The following CFAP54 variants were observed in gnomAD, a reference collection of about 807,000 sequenced individuals.
CFAP54 encodes the protein cilia and flagella associated protein 54.
Under a neutral mutation model 370.4 loss-of-function variants are expected in CFAP54, and 290 were observed. That is an observed-to-expected ratio of 0.78 (90% CI 0.71 to 0.86). The LOEUF is 0.86. Ranked by LOEUF, CFAP54 falls within the 40% of genes least tolerant of loss-of-function variation. The pLI, the probability that CFAP54 is intolerant of heterozygous loss-of-function variation, is 0.00. For missense variants in CFAP54, 3,399 were observed against 3,528.7 expected (o/e 0.96, Z 0.93); for synonymous variants, 1,206 against 1,236.5 (o/e 0.98, Z 0.52).
At position 96,608,306 on chromosome 12, in the gene CFAP54, TATAC is replaced by T. The variant is rs59329651; in HGVS notation, c.3639+9541_3639+9544del. The stretch of plus-strand genomic sequence containing the variant: ...TGTGCATTTTATATATGCATATATA[TATAC>T]ACACACACACACACACACACACACA... On this transcript the variant is annotated intron_variant, in intron 26 of 67. Transcript: ENST00000524981. Among the ~76,000 whole-genome samples, 101 of 45,030 alleles carry T rather than the reference TATAC, an allele frequency of 2.2e-3. 2 individuals are homozygous for T. Among genetic ancestry groups the T allele is most frequent in the East Asian group, 0.02 (46 of 2,290 alleles). 29.5% of individuals were successfully genotyped at this position (45,030 alleles called of 152,430 possible).
intron 5 of CFAP54, among the ~76,000 whole-genome samples, chr12:96,517,354 G>T (rs2136364118): frequency 6.6e-6 from 1 of 152,156 alleles, no homozygotes; most frequent in Non-Finnish European, 1.5e-5. Flanking sequence ...AAAAAACTTT[G>T]ATTTTCCATA....
At chr12:96,520,922 C>A (rs2136368441) in intron 6 of CFAP54, among the ~76,000 whole-genome samples, 1 of 152,288 alleles carries the variant, frequency 6.6e-6, no homozygotes, top group African/African-American at 2.4e-5. Context: ...GGCACATAGG[C>A]AGAACAGCCT....
chr12:96,789,236 A>G (rs1801032308), intron 62 of CFAP54, among the ~76,000 whole-genome samples: 1 of 152,230 alleles, frequency 6.6e-6, no homozygotes, highest in South Asian at 2.1e-4. Flanking sequence ...AGAAATAGGC[A>G]TGCCCAAAGT....
chr12:96,504,128 G>A (rs1188066175), intron 3 of CFAP54, 99 bp downstream of exon 3: 8 of 1,128,774 alleles, frequency 7.1e-6, no homozygotes, highest in Admixed American at 3.5e-5. Context: ...GCTTAGCATA[G>A]CATCTAGCTG....
chr12:96,830,455 T>C (rs1432181641), intron 66 of CFAP54, among the ~76,000 whole-genome samples: 1 of 152,174 alleles, frequency 6.6e-6, no homozygotes, highest in Non-Finnish European at 1.5e-5. Context: ...ATTTCCTTAA[T>C]GACTAATGAT....
At chr12:96,815,115 T>C (rs189407291) in intron 64 of CFAP54, among the ~76,000 whole-genome samples, 28 of 152,308 alleles carry the variant, frequency 1.8e-4, no homozygotes, top group African/African-American at 6.0e-4. Context: ...TTCTACATCC[T>C]TGAGGAATTG....
chr12:96,491,600 C>T (rs1270558813), intron 1 of CFAP54, among the ~76,000 whole-genome samples: 10 of 151,978 alleles, frequency 6.6e-5, no homozygotes, highest in Non-Finnish European at 1.5e-4. Context: ...GAGGAGGGGC[C>T]AGTGGAAAAC....
At chr12:96,581,595 G>GT (rs1280195447) in intron 22 of CFAP54, among the ~76,000 whole-genome samples, 4 of 151,952 alleles carry the variant, frequency 2.6e-5, no homozygotes, top group Admixed American at 2.6e-4. Context: ...AATGTCAGTG[G>GT]TGTCAAGATT....
intron 50 of CFAP54, among the ~76,000 whole-genome samples, chr12:96,721,602 G>A (rs532688656): frequency 6.6e-6 from 1 of 152,204 alleles, no homozygotes; most frequent in African/African-American, 2.4e-5. Context: ...CTATCATGAG[G>A]TCCTCTGACA....
intron 32 of CFAP54, among the ~76,000 whole-genome samples, chr12:96,635,359 A>C (rs1352096407): frequency 2.0e-5 from 3 of 152,022 alleles, no homozygotes; most frequent in Admixed American, 2.0e-4. Context: ...TTCTTCTTTA[A>C]TATGATCGTG....
chr12:96,755,505 G>T (rs919352106), intron 56 of CFAP54, among the ~76,000 whole-genome samples: 1 of 151,872 alleles, frequency 6.6e-6, no homozygotes, highest in African/African-American at 2.4e-5. Context: ...AGATTCTTCA[G>T]TTAAGTGAGA....
intron 65 of CFAP54, among the ~76,000 whole-genome samples, chr12:96,822,757 C>T (rs1179683689): frequency 6.6e-6 from 1 of 152,192 alleles, no homozygotes; most frequent in Non-Finnish European, 1.5e-5. Context: ...TTAGAATACA[C>T]AGAAAAGTTT....
intron 3 of CFAP54, among the ~76,000 whole-genome samples, chr12:96,504,991 T>C (rs979320193): frequency 1.4e-5 from 2 of 144,856 alleles, no homozygotes; most frequent in Non-Finnish European, 3.0e-5. Flanking sequence ...CTTTCTTCTT[T>C]CTTTTTCTTT....
intron 63 of CFAP54, among the ~76,000 whole-genome samples, chr12:96,808,435 C>T (rs1958902515): frequency 6.6e-6 from 1 of 152,094 alleles, no homozygotes; most frequent in Admixed American, 6.6e-5. Flanking sequence ...TTTCAGAGTA[C>T]TCACGAGACT....
In CFAP54 at chr12:96,792,323, C is replaced by T. The variant is rs915519023; in HGVS notation, c.8680-6C>T. On this transcript the variant is annotated splice_polypyrimidine_tract_variant and splice_region_variant and intron_variant, in intron 62 of 67. Transcript: ENST00000524981. ...AATTAAACTGATGTTTTTGTTTGTT[C>T]CCTAGTTGTATCGCGATAGTTCTGT... The T allele has an allele frequency of 1.1e-5, 16 of 1,493,806 alleles. No homozygotes were observed. The highest frequency in any genetic ancestry group is 1.4e-5 in the Non-Finnish European group (16 of 1,126,442). 92.5% of individuals were successfully genotyped at this position (1,493,806 alleles called of 1,614,324 possible). A position where few individuals can be genotyped will look rare whatever the true frequency, so the allele number is the denominator to read the frequency against.
At chr12:96,551,123 T>A in intron 15 of CFAP54, among the ~76,000 whole-genome samples, 1 of 151,952 alleles carries the variant, frequency 6.6e-6, no homozygotes, top group East Asian at 1.9e-4. Context: ...ATACAAAAAT[T>A]AGCTGGGTGT....
chr12:96,549,053 A>G (rs1357086561), intron 15 of CFAP54, among the ~76,000 whole-genome samples: 2 of 152,072 alleles, frequency 1.3e-5, no homozygotes, highest in Non-Finnish European at 2.9e-5. Flanking sequence ...GTGGGGTTTC[A>G]CCATGTTAGC....
At chr12:96,595,347 TG>T (rs1272140176) in intron 25 of CFAP54, among the ~76,000 whole-genome samples, 1 of 152,098 alleles carries the variant, frequency 6.6e-6, no homozygotes, top group Non-Finnish European at 1.5e-5. Context: ...ATACAGGGCA[TG>T]TACACCAGGG....
rs538140406 is a variant in CFAP54, at chr12:96,675,432, G to A, written c.5564-4168G>A. On this transcript the variant is annotated intron_variant, in intron 39 of 67. Transcript: ENST00000524981. ...AGAATGGCGATCATTAAAAAGTCAG[G>A]AAACGACAGGTGCTGGAGAGGATGT... Among the ~76,000 whole-genome samples the A allele has an allele frequency of 4.7e-3, 712 of 152,226 alleles. 3 individuals carry two copies. The highest frequency in any genetic ancestry group is 0.016 in the African/African-American group (676 of 41,534).
Sources: allele counts gnomAD v4.1 joint callset (sites outside exome capture counted in the v4.1 genomes callset), GRCh38; gene constraint gnomAD v4.1.1; transcripts MANE v1.5; gene names NCBI Gene and HGNC (gene_info 2026-07-23, HGNC 2026-07-21).